CACNA1A: variants seen among roughly 807,000 people sequenced by gnomAD.
CACNA1A encodes calcium voltage-gated channel subunit alpha1 A, also known as voltage-dependent P/Q-type calcium channel subunit alpha-1A.
A neutral mutation model predicts 262.4 loss-of-function variants in CACNA1A; 57 were observed. That is an observed-to-expected ratio of 0.22 (90% confidence interval 0.18 to 0.27). CACNA1A has a LOEUF of 0.27. Ranked by LOEUF, CACNA1A falls within the 10% of genes least tolerant of loss-of-function variation. CACNA1A has a pLI of 1.00. For missense variants in CACNA1A, 2,526 were observed against 3,562.8 expected (o/e 0.71, Z 7.41); for synonymous variants, 1,431 against 1,419.3 (o/e 1.01, Z -0.18).
chr19:13,393,568 C>CCTT (rs1430597556), intron 3 of CACNA1A, among the ~76,000 whole-genome samples: 3 of 138,656 alleles, frequency 2.2e-5, no homozygotes, highest in Non-Finnish European at 3.2e-5. Flanking sequence ...TCCCTCCCCC[C>CCTT]CTTCTTCTTC....
rs1254054848 is a variant in CACNA1A, at chr19:13,371,761, C to T, written c.558G>A (p.Gly186=). The T allele has an allele frequency of 1.9e-6, 3 of 1,575,020 alleles. No individual in the cohort carries two copies. Among genetic ancestry groups the T allele is most frequent in the Non-Finnish European group, 2.6e-6 (3 of 1,160,370 alleles). Residue 186 remains glycine (G), a synonymous_variant, in exon 4 of 47, where the codon GGG becomes GGA. Coordinates refer to ENST00000360228, the MANE Select transcript of CACNA1A (RefSeq NM_001127222.2). ...TCAGCGTCCGTAGGTCAAACTCCGTCCCAACTGTCGCCAAGATGCTGAAAG... is the reference window on the plus strand; with the variant it reads ...TCAGCGTCCGTAGGTCAAACTCCGTTCCAACTGTCGCCAAGATGCTGAAAG... ...VVLTGILATV[G]TEFDLRTLRA...
At position 13,214,378 on chromosome 19, in the gene CACNA1A, G is replaced by C. The variant is rs2054922819; in HGVS notation, c.5840-45C>G. 6.3e-7 allele frequency: 1 copy of C among 1,594,340 alleles called. No individual in the cohort carries two copies. Among genetic ancestry groups the C allele is most frequent in the Non-Finnish European group, 8.6e-7 (1 of 1,164,912 alleles). ...GAGCTCACCAAGGGCAGGCCTCTTTGGGGCCCTTGTCCTGGGTCCCTGTGT... is the reference window on the plus strand; with the variant it reads ...GAGCTCACCAAGGGCAGGCCTCTTTCGGGCCCTTGTCCTGGGTCCCTGTGT... On this transcript the variant is annotated intron_variant, in intron 39 of 46. Coordinates refer to ENST00000360228, the MANE Select transcript of CACNA1A (RefSeq NM_001127222.2). This position sits in a 1 kb window ranked among gnomAD's most constrained non-coding sequence, Gnocchi z 4.1.
chr19:13,387,232 A>C (rs2059630695), intron 3 of CACNA1A, among the ~76,000 whole-genome samples: 1 of 152,200 alleles, frequency 6.6e-6, no homozygotes, highest in East Asian at 1.9e-4. Context: ...CTGGGATTAC[A>C]GGCATGAGCC....
chr19:13,504,887 AAC>A (rs1226223294), intron 1 of CACNA1A, among the ~76,000 whole-genome samples: 1 of 151,842 alleles, frequency 6.6e-6, no homozygotes, highest in Non-Finnish European at 1.5e-5. Context: ...GATTTAAAGA[AAC>A]ACAGAAGATC....
At chr19:13,322,867 T>C (rs2058283498) in intron 10 of CACNA1A, among the ~76,000 whole-genome samples, 1 of 152,236 alleles carries the variant, frequency 6.6e-6, no homozygotes, top group African/African-American at 2.4e-5. Context: ...TAATTAAGTT[T>C]GATCTCATCT....
intron 3 of CACNA1A, among the ~76,000 whole-genome samples, chr19:13,445,630 T>G (rs8111252): frequency 6.6e-6 from 1 of 152,240 alleles, no homozygotes; most frequent in Non-Finnish European, 1.5e-5. Flanking sequence ...ATGCACGATT[T>G]GTGTTATTTG....
At chr19:13,261,385 C>G in intron 26 of CACNA1A, 65 bp downstream of exon 26, 6 of 1,435,528 alleles carry the variant, frequency 4.2e-6, no homozygotes, top group Non-Finnish European at 4.7e-6. Flanking sequence ...GCCAATGCCT[C>G]TAGCCACTTC....
intron 1 of CACNA1A, among the ~76,000 whole-genome samples, chr19:13,492,842 A>T (rs1188022822): frequency 6.6e-6 from 1 of 152,098 alleles, no homozygotes; most frequent in Non-Finnish European, 1.5e-5. Context: ...GTCAACATTT[A>T]TGAATGAATG....
chr19:13,226,275 A>AGGG, intron 37 of CACNA1A: 1 of 46,676 alleles, frequency 2.1e-5, no homozygotes, highest in African/African-American at 9.5e-5. Context: ...GGGGGGCGGC[A>AGGG]GGGAGGGGCA....
chr19:13,299,781 T>G (rs1181223584), intron 18 of CACNA1A, among the ~76,000 whole-genome samples: 8 of 152,106 alleles, frequency 5.3e-5, no homozygotes, highest in Admixed American at 6.6e-5. Context: ...CTTCAGGCCA[T>G]GTAACCTTCT....
At chr19:13,457,605 C>T (rs1343190989) in intron 1 of CACNA1A, among the ~76,000 whole-genome samples, 2 of 152,118 alleles carry the variant, frequency 1.3e-5, no homozygotes, top group East Asian at 1.9e-4. Context: ...AATCCCAGCA[C>T]TTTGGAAGGC....
At chr19:13,393,669 TTCTTTC>T (rs2059753035) in intron 3 of CACNA1A, among the ~76,000 whole-genome samples, 1 of 149,210 alleles carries the variant, frequency 6.7e-6, no homozygotes, top group African/African-American at 2.5e-5. Flanking sequence ...CCTCTTTTCT[TTCTTTC>T]TCTTTCTTTC....
intron 1 of CACNA1A, among the ~76,000 whole-genome samples, chr19:13,490,804 A>G (rs1304558404): frequency 6.6e-6 from 1 of 150,428 alleles, no homozygotes; most frequent in Non-Finnish European, 1.5e-5. Flanking sequence ...GAGAAAGGAA[A>G]AAGGAAGGAA....
Position 13,255,170 on chromosome 19 carries a change from C to T in CACNA1A, c.4680G>A (p.Gln1560=). The T allele has an allele frequency of 1.2e-6, 2 of 1,613,936 alleles. No individual in the cohort carries two copies. The highest frequency in any genetic ancestry group is 1.7e-6 in the Non-Finnish European group (2 of 1,179,846). Residue 1560 remains glutamine (Q), a synonymous_variant, in exon 29 of 47, where the codon CAG becomes CAA. Coordinates refer to ENST00000360228, the MANE Select transcript of CACNA1A (RefSeq NM_001127222.2). ...NKQSFQYRMW[Q]FVVSPPFEYT... ...ACTCGAAAGGCGGAGACACCACGAACTGCCACATGCGGTACTGGAAGCTCT... is the reference window on the plus strand; with the variant it reads ...ACTCGAAAGGCGGAGACACCACGAATTGCCACATGCGGTACTGGAAGCTCT...
intron 46 of CACNA1A, 43 bp downstream of exon 46, chr19:13,208,713 T>G: frequency 2.6e-6 from 4 of 1,528,118 alleles, no homozygotes; most frequent in Non-Finnish European, 3.5e-6. Flanking sequence ...CCTCCCCGCC[T>G]CCCGGCCGAG....
intron 1 of CACNA1A, among the ~76,000 whole-genome samples, chr19:13,474,807 A>C (rs1245003749): frequency 1.4e-5 from 2 of 141,622 alleles, no homozygotes; most frequent in African/African-American, 2.8e-5. Flanking sequence ...ACAGAGGGAG[A>C]CTCCGTCTCA....
At chr19:13,490,042 G>A (rs572231259) in intron 1 of CACNA1A, among the ~76,000 whole-genome samples, 2 of 152,184 alleles carry the variant, frequency 1.3e-5, no homozygotes, top group Admixed American at 6.5e-5. Context: ...TTGTCCGTGT[G>A]TTTATTTCTC....
At chr19:13,208,478 A>G (rs1480284933) in intron 46 of CACNA1A, among the ~76,000 whole-genome samples, 1 of 146,298 alleles carries the variant, frequency 6.8e-6, no homozygotes, top group East Asian at 2.1e-4. Context: ...CCAGAACTCA[A>G]ATATGATCCA....
chr19:13,448,465 A>G (rs79950997), intron 3 of CACNA1A, among the ~76,000 whole-genome samples: 19,269 of 152,066 alleles, frequency 0.13, 1,561 homozygotes, highest in East Asian at 0.26. Context: ...AAGTTTACCC[A>G]TGTAATAGAT....
Sources: gnomAD v4.1 joint callset for allele counts (sites outside exome capture counted in the v4.1 genomes callset) on GRCh38, gnomAD v4.1.1 for gene constraint, Gnocchi (gnomAD v3.1) non-coding constraint, MANE v1.5 for transcripts, NCBI Gene and HGNC (gene_info 2026-07-23, HGNC 2026-07-21) for gene names.